Variants in SKI observed in about 807,000 individuals in gnomAD.
SKI encodes SKI proto-oncogene, also known as ski oncogene.
Under a neutral mutation model 59.3 loss-of-function variants are expected in SKI, and 23 were observed. That is an observed-to-expected ratio of 0.39 (90% CI 0.28 to 0.55). The LOEUF (loss-of-function observed/expected upper bound fraction) is 0.55. Ranked by LOEUF, SKI falls within the 20% of genes least tolerant of loss-of-function variation. The probability of loss-of-function intolerance (pLI) is 0.67; values close to 1 mark genes in which losing one functional copy is unlikely to be tolerated. For synonymous variants in SKI, 673 were observed against 488.6 expected (o/e 1.38, Z -4.98); for missense variants, 1,017 against 1,038.9 (o/e 0.98, Z 0.29).
chr1:2,233,762 G>C (rs1460986999), intron 1 of SKI, among the ~76,000 whole-genome samples: 32 of 152,182 alleles, frequency 2.1e-4, no homozygotes, highest in Admixed American at 2.1e-3. Flanking sequence ...GGAAGGGGTT[G>C]CTGGGCTTGG....
Position 2,260,535 on chromosome 1 carries a change from C to CTTTTTTTTTTTTTTTTTTTTTTTTTTT in SKI, c.969+30823_969+30824insTTTTTTTTTTTTTTTTTTTTTTTTTTT, listed in dbSNP as rs3065260. On this transcript the variant is annotated intron_variant, in intron 1 of 6. Coordinates refer to ENST00000378536, the MANE Select transcript of SKI (RefSeq NM_003036.4). ...TCCAATTTTTCAGTTTGTTCTTTTT[C>CTTTTTTTTTTTTTTTTTTTTTTTTTTT]TTTTTTTTTTTTTTTTTTTTTTTGA... 5.6e-4 allele frequency among the ~76,000 whole-genome samples: 38 copies of CTTTTTTTTTTTTTTTTTTTTTTTTTTT among 67,818 alleles called. 4 individuals are homozygous for CTTTTTTTTTTTTTTTTTTTTTTTTTTT. Among genetic ancestry groups the CTTTTTTTTTTTTTTTTTTTTTTTTTTT allele is most frequent in the African/African-American group, 1.1e-3 (17 of 16,140 alleles). The allele number at this position is 67,818 out of a possible 152,430, so 44.5% of individuals were successfully genotyped here.
chr1:2,238,060 C>T, intron 1 of SKI, among the ~76,000 whole-genome samples: 1 of 152,236 alleles, frequency 6.6e-6, no homozygotes, highest in East Asian at 1.9e-4. Flanking sequence ...CCCCAGGTCC[C>T]CGCCTGGTGT....
At chr1:2,296,225 C>CA (rs1175023024) in intron 1 of SKI, among the ~76,000 whole-genome samples, 1,674 of 124,710 alleles carry the variant, frequency 0.013, 9 homozygotes, top group East Asian at 0.035. Context: ...GGAAAAAAAA[C>CA]AAAAAAAAAA....
At chr1:2,237,507 G>T (rs994427433) in intron 1 of SKI, among the ~76,000 whole-genome samples, 2 of 152,208 alleles carry the variant, frequency 1.3e-5, no homozygotes, top group East Asian at 3.9e-4. Flanking sequence ...ATAAGAAGCG[G>T]CTGTCAGCCT....
At chr1:2,259,753 C>T (rs928881945) in intron 1 of SKI, among the ~76,000 whole-genome samples, 35 of 152,160 alleles carry the variant, frequency 2.3e-4, no homozygotes, top group African/African-American at 1.7e-4. Flanking sequence ...CCTGTAGATT[C>T]GTTGCCTTCC....
At chr1:2,256,179 A>G (rs1639270746) in intron 1 of SKI, among the ~76,000 whole-genome samples, 1 of 126,750 alleles carries the variant, frequency 7.9e-6, no homozygotes, top group South Asian at 2.4e-4. Flanking sequence ...TATCTGTGCC[A>G]CTCTGTGTCC....
chr1:2,286,625 C>A (rs1219960281), intron 1 of SKI, among the ~76,000 whole-genome samples: 1 of 152,256 alleles, frequency 6.6e-6, no homozygotes, highest in Non-Finnish European at 1.5e-5. Flanking sequence ...CACATCAGGG[C>A]AAACGCTGCC....
rs764402443 is a variant in SKI at position 2,236,168 on chromosome 1, G to A, written c.969+6433G>A. On this transcript the variant is annotated intron_variant, in intron 1 of 6. Coordinates refer to ENST00000378536, the MANE Select transcript of SKI (RefSeq NM_003036.4). ...TGGCGGCCTTGGTCAGGCCTTCTTG[G>A]GCTGCCTCTGCTGGGGTGCTTGTCT... Among the ~76,000 whole-genome samples, 132 of 152,184 alleles carry A rather than the reference G, an allele frequency of 8.7e-4. 3 individuals carry two copies. The highest frequency in any genetic ancestry group is 3.1e-4 in the Non-Finnish European group (21 of 68,028).
At chr1:2,305,410 A>G (rs1640544849) in intron 5 of SKI, among the ~76,000 whole-genome samples, 1 of 152,010 alleles carries the variant, frequency 6.6e-6, no homozygotes, top group South Asian at 2.1e-4. Flanking sequence ...CGGCCCTCAG[A>G]GCTGCAGGGT....
intron 1 of SKI, among the ~76,000 whole-genome samples, chr1:2,236,626 C>CGGG (rs1206145127): frequency 6.6e-6 from 1 of 152,148 alleles, no homozygotes; most frequent in Non-Finnish European, 1.5e-5. Context: ...AGGATGGTCT[C>CGGG]CATCTCCTGA....
At chr1:2,263,059 C>A (rs992433511) in intron 1 of SKI, among the ~76,000 whole-genome samples, 2 of 151,890 alleles carry the variant, frequency 1.3e-5, no homozygotes, top group African/African-American at 4.8e-5. Context: ...ACCGCCACAC[C>A]CAGCTAATTT....
intron 1 of SKI, among the ~76,000 whole-genome samples, chr1:2,237,455 G>A (rs543516396): frequency 1.2e-4 from 18 of 152,326 alleles, no homozygotes; most frequent in Middle Eastern, 3.4e-3. Context: ...CGCTAATTAC[G>A]TTGTGTTGTT....
chr1:2,237,126 G>A (rs972734499), intron 1 of SKI, among the ~76,000 whole-genome samples: 2 of 152,192 alleles, frequency 1.3e-5, no homozygotes, highest in African/African-American at 2.4e-5. Context: ...CCTGAGCTGC[G>A]TGTGTGAGGT....
At position 2,304,195 on chromosome 1, in the gene SKI, C is replaced by T. The variant is rs1640506213; in HGVS notation, c.1474+93C>T. ...TGGTCGCCGGGGGTGCGTTGGTGGC[C>T]CCATGTTTCGCAGGTTCCTCCGGGA... is the stretch of plus-strand genomic sequence containing the variant. On this transcript the variant is annotated intron_variant, in intron 4 of 6. Transcript: ENST00000378536. 3.2e-6 allele frequency: 5 copies of T among 1,573,272 alleles called. No homozygotes were observed. In the South Asian group the frequency reaches 5.8e-5, roughly 18 times the overall value.
intron 5 of SKI, among the ~76,000 whole-genome samples, chr1:2,305,565 A>G (rs1640550638): frequency 6.6e-6 from 1 of 152,102 alleles, no homozygotes; most frequent in Non-Finnish European, 1.5e-5. Context: ...TCACACGGAT[A>G]TTTTAATGGG....
chr1:2,235,953 G>C (rs1338528609), intron 1 of SKI, among the ~76,000 whole-genome samples: 1 of 152,224 alleles, frequency 6.6e-6, no homozygotes, highest in Non-Finnish European at 1.5e-5. Context: ...AACAGATAAA[G>C]GGGGCTTTGA....
intron 1 of SKI, among the ~76,000 whole-genome samples, chr1:2,294,157 G>A (rs1370684405): frequency 1.3e-5 from 2 of 152,182 alleles, no homozygotes; most frequent in African/African-American, 2.4e-5. Flanking sequence ...CTGAGCGGGG[G>A]CTTCCAGAGC....
At chr1:2,290,831 C>G (rs1029107680) in intron 1 of SKI, among the ~76,000 whole-genome samples, 2 of 152,252 alleles carry the variant, frequency 1.3e-5, no homozygotes, top group Non-Finnish European at 2.9e-5. Context: ...ACGAAACACT[C>G]TTAATTGAGT....
chr1:2,289,947 A>G (rs1052179506), intron 1 of SKI, among the ~76,000 whole-genome samples: 2 of 152,142 alleles, frequency 1.3e-5, no homozygotes, highest in East Asian at 3.9e-4. Flanking sequence ...AGGCGCCTCC[A>G]GGCCACGTTG....
Sources: gnomAD v4.1 joint callset for allele counts (sites outside exome capture counted in the v4.1 genomes callset) on GRCh38, gnomAD v4.1.1 for gene constraint, MANE v1.5 for transcripts, NCBI Gene and HGNC (gene_info 2026-07-23, HGNC 2026-07-21) for gene names.